VPS13B: variants seen among roughly 807,000 people sequenced by gnomAD.
VPS13B encodes the protein intermembrane lipid transfer protein VPS13B.
Under a neutral mutation model 426.4 loss-of-function variants are expected in VPS13B, and 285 were observed. The ratio of observed to expected loss-of-function variants is 0.67; its 90% CI spans 0.61 to 0.74. The LOEUF is 0.74. VPS13B is among the 30% of genes least tolerant of loss of function. The pLI is 0.00. For synonymous variants in VPS13B, 1,676 were observed against 1,676.4 expected, an observed-to-expected ratio of 1.00 and a Z score of 0.01; for missense variants, 4,537 against 4,782.6, an observed-to-expected ratio of 0.95 and a Z score of 1.51.
At chr8:99,665,636 C>T in intron 35 of VPS13B, among the ~76,000 whole-genome samples, 1 of 152,040 alleles carries the variant, frequency 6.6e-6, no homozygotes, top group Non-Finnish European at 1.5e-5. Context: ...TGTAGATATG[C>T]AGCATTATTT....
chr8:99,114,136 T>C (rs1317355450), intron 6 of VPS13B, among the ~76,000 whole-genome samples: 1 of 125,092 alleles, frequency 8.0e-6, no homozygotes, highest in Admixed American at 8.5e-5. Context: ...TTTGTATAAT[T>C]GCAAATATCT....
intron 17 of VPS13B, among the ~76,000 whole-genome samples, chr8:99,269,529 T>C (rs946313205): frequency 6.6e-6 from 1 of 152,238 alleles, no homozygotes; most frequent in Non-Finnish European, 1.5e-5. Flanking sequence ...GTTAAGCACC[T>C]GGAACAATAA....
chr8:99,809,318 G>C (rs73703009), intron 43 of VPS13B, 57 bp from the exon 44 acceptor site: 3 of 1,608,764 alleles, frequency 1.9e-6, no homozygotes, highest in South Asian at 2.2e-5. Context: ...TTTCATTTTA[G>C]GACTAGGTTT....
intron 2 of VPS13B, among the ~76,000 whole-genome samples, chr8:99,030,445 C>G (rs1842458160): frequency 7.3e-6 from 1 of 137,772 alleles, no homozygotes; most frequent in Non-Finnish European, 1.6e-5. Context: ...CTAAATTGTC[C>G]CAGTATGAGT....
intron 55 of VPS13B, among the ~76,000 whole-genome samples, chr8:99,852,363 C>T (rs1056919569): frequency 2.0e-5 from 3 of 152,104 alleles, no homozygotes; most frequent in Non-Finnish European, 4.4e-5. Context: ...TATTTCAGGT[C>T]ATAAGACTGG....
At chr8:99,225,694 G>A (rs368397654) in intron 17 of VPS13B, among the ~76,000 whole-genome samples, 5 of 152,088 alleles carry the variant, frequency 3.3e-5, no homozygotes, top group Non-Finnish European at 5.9e-5. Flanking sequence ...GCTCTACTTT[G>A]TGTTACCATG....
chr8:99,696,406 C>A, intron 35 of VPS13B: 1 of 337,924 alleles, frequency 3.0e-6, no homozygotes, highest in South Asian at 2.7e-5. Context: ...GGTGCTCATG[C>A]TGTGGCACAT....
rs188225810 is a variant in VPS13B, at chr8:99,532,118, G to T, written c.4745+11108G>T. The stretch of plus-strand genomic sequence containing the variant: ...AACATTTGTGAACTTCTGCATATAG[G>T]TTTTTGTTCATGCCATGAATATTTC... On this transcript the variant is annotated intron_variant, in intron 30 of 61. Coordinates refer to ENST00000357162, the MANE Select transcript of VPS13B (RefSeq NM_152564.5). 2.6e-5 allele frequency among the ~76,000 whole-genome samples: 4 copies of T among 152,080 alleles called. No individual in the cohort carries two copies. The East Asian group carries it at 7.7e-4, about 29-fold the overall frequency.
intron 21 of VPS13B, 143 bp downstream of exon 21, chr8:99,391,847 C>A: frequency 1.7e-6 from 2 of 1,157,664 alleles, no homozygotes; most frequent in Non-Finnish European, 1.2e-6. Flanking sequence ...ACAACATTAG[C>A]AATAATCACA....
At position 99,659,031 on chromosome 8, in the gene VPS13B, C is replaced by A. The variant is rs190459908; in HGVS notation, c.5909-2323C>A. Among the ~76,000 whole-genome samples, 757 of 152,166 alleles carry A rather than the reference C, an allele frequency of 5.0e-3. 5 individuals are homozygous for A. The highest frequency in any genetic ancestry group is 8.6e-3 in the Non-Finnish European group (587 of 67,996). The stretch of plus-strand genomic sequence containing the variant: ...TATTTTTTTTGTAGAGCTGGGGTTT[C>A]ACCATGTCACCCAGGCTGATCTCAA... On this transcript the variant is annotated intron_variant, in intron 34 of 61. Transcript: ENST00000357162.
intron 17 of VPS13B, among the ~76,000 whole-genome samples, chr8:99,239,019 G>A (rs1816779218): frequency 6.6e-6 from 1 of 152,074 alleles, no homozygotes; most frequent in African/African-American, 2.4e-5. Context: ...AATCACTTGG[G>A]GTTGTGCTAA....
At chr8:99,202,825 C>A (rs927045891) in intron 17 of VPS13B, among the ~76,000 whole-genome samples, 2 of 151,652 alleles carry the variant, frequency 1.3e-5, no homozygotes, top group Non-Finnish European at 2.9e-5. Flanking sequence ...GTCAGGAGAT[C>A]GAGACCATCC....
At chr8:99,537,949 T>A (rs1252982439) in intron 30 of VPS13B, among the ~76,000 whole-genome samples, 2 of 152,198 alleles carry the variant, frequency 1.3e-5, no homozygotes, top group Non-Finnish European at 2.9e-5. Flanking sequence ...ATTAAAATAT[T>A]TCTTATAATT....
intron 21 of VPS13B, among the ~76,000 whole-genome samples, chr8:99,415,359 A>G (rs1442090598): frequency 6.6e-6 from 1 of 151,884 alleles, no homozygotes; most frequent in Non-Finnish European, 1.5e-5. Context: ...TGGTTAGAAC[A>G]TGCTCCTTTA....
At chr8:99,301,251 G>T (rs528744137) in intron 19 of VPS13B, among the ~76,000 whole-genome samples, 1 of 150,752 alleles carries the variant, frequency 6.6e-6, no homozygotes, top group African/African-American at 2.4e-5. Flanking sequence ...TTTAGGGCTC[G>T]TTAGTATCAG....
At chr8:99,018,136 A>C (rs1348746892) in intron 2 of VPS13B, among the ~76,000 whole-genome samples, 1 of 152,174 alleles carries the variant, frequency 6.6e-6, no homozygotes, top group Non-Finnish European at 1.5e-5. Flanking sequence ...AATCAGTCAC[A>C]GCACTTTGGG....
chr8:99,597,901 C>T (rs1384538209), intron 33 of VPS13B, among the ~76,000 whole-genome samples: 4 of 151,972 alleles, frequency 2.6e-5, no homozygotes, highest in African/African-American at 4.8e-5. Context: ...CAATGGACTT[C>T]AATGCTGAAT....
chr8:99,147,041 G>A (rs1225605555), intron 13 of VPS13B, among the ~76,000 whole-genome samples: 1 of 152,028 alleles, frequency 6.6e-6, no homozygotes, highest in Non-Finnish European at 1.5e-5. Context: ...GTCAGAATTG[G>A]GTCACCATTA....
In VPS13B at chr8:99,532,979, G is replaced by A. The variant is rs554934271; in HGVS notation, c.4745+11969G>A. On this transcript the variant is annotated intron_variant, in intron 30 of 61. Transcript: ENST00000357162. ...TTTTGAGATGGAGTCTCACTCCGTC[G>A]GCCAGGCTGGAGTGCAGTGGTGCAA... is the stretch of plus-strand genomic sequence containing the variant. Among the ~76,000 whole-genome samples the A allele has an allele frequency of 7.0e-5, 10 of 142,400 alleles. No homozygotes were observed. In the East Asian group the frequency reaches 1.0e-3, roughly 15 times the overall value. 93.4% of individuals were successfully genotyped at this position (142,400 alleles called of 152,430 possible).
Sources: allele counts gnomAD v4.1 joint callset (sites outside exome capture counted in the v4.1 genomes callset), GRCh38; gene constraint gnomAD v4.1.1; transcripts MANE v1.5; gene names NCBI Gene and HGNC (gene_info 2026-07-23, HGNC 2026-07-21).